The following PDE7B variants were observed in gnomAD, a reference collection of about 807,000 sequenced individuals.
PDE7B encodes the protein phosphodiesterase 7B, also known as 3',5'-cyclic-AMP phosphodiesterase 7B.
PDE7B carries 29 observed loss-of-function variants against 56.2 expected under a neutral mutation model. The observed-to-expected ratio is 0.52, with a 90% CI of 0.38 to 0.70. The LOEUF is 0.70. Ranked by LOEUF, PDE7B falls within the 30% of genes least tolerant of loss-of-function variation. The probability of loss-of-function intolerance (pLI) is 0.00; values close to 1 mark genes in which losing one functional copy is unlikely to be tolerated. For missense variants in PDE7B, 490 were observed against 565.0 expected (o/e 0.87, Z 1.35); for synonymous variants, 197 against 196.9 (o/e 1.00, Z 0.00).
At chr6:135,869,369 C>G (rs1775328537) in intron 1 of PDE7B, among the ~76,000 whole-genome samples, 1 of 152,018 alleles carries the variant, frequency 6.6e-6, no homozygotes, top group South Asian at 2.1e-4. Context: ...CTCAAATAAT[C>G]TCAGAAAATC....
At chr6:135,863,692 A>ATTTTTTTTTTTTT (rs200974005) in intron 1 of PDE7B, among the ~76,000 whole-genome samples, 1 of 138,624 alleles carries the variant, frequency 7.2e-6, no homozygotes. Flanking sequence ...ATCCCTTCCA[A>ATTTTTTTTTTTTT]TTTTTTTTTT....
rs1325253271 is a variant in PDE7B at position 135,987,518 on chromosome 6, A to T, written c.82+39994A>T. Among the ~76,000 whole-genome samples the T allele has an allele frequency of 2.0e-5, 3 of 152,130 alleles. No homozygotes were observed. The East Asian group carries it at 5.8e-4, about 29-fold the overall frequency. On this transcript the variant is annotated intron_variant, in intron 2 of 12. Transcript: ENST00000308191. ...TGGTATCTCAAATGGAGGCCACCAG[A>T]ACTGAGCCTTCTTCCCTTCAGAATA...
intron 2 of PDE7B, among the ~76,000 whole-genome samples, chr6:135,952,935 A>G (rs1774726224): frequency 6.6e-6 from 1 of 152,168 alleles, no homozygotes; most frequent in Admixed American, 6.6e-5. Context: ...AGAATACTCT[A>G]TAAGCTCCTA....
chr6:136,129,904 A>G (rs1405738748), intron 3 of PDE7B, among the ~76,000 whole-genome samples: 1 of 152,210 alleles, frequency 6.6e-6, no homozygotes, highest in African/African-American at 2.4e-5. Flanking sequence ...CCAACAGTGC[A>G]CATCCTTTTT....
At chr6:136,133,432 G>T (rs1165642914) in intron 3 of PDE7B, among the ~76,000 whole-genome samples, 1 of 152,128 alleles carries the variant, frequency 6.6e-6, no homozygotes, top group African/African-American at 2.4e-5. Flanking sequence ...AAAAGAAATA[G>T]AGGTTCAAGT....
intron 8 of PDE7B, among the ~76,000 whole-genome samples, chr6:136,173,442 C>T (rs1583924294): frequency 6.6e-6 from 1 of 152,186 alleles, no homozygotes; most frequent in Non-Finnish European, 1.5e-5. Context: ...GGAAAACTGG[C>T]TAGCCGTATG....
At position 135,935,218 on chromosome 6, in the gene PDE7B, T is replaced by TATATATATATATATA. The variant is rs1457746105; in HGVS notation, c.22-12246_22-12245insATATATATATATATA. ...TATATATATATATATATATATATAT[T>TATATATATATATATA]TTCATGATTCTTGCTCTCCAGGAAA... On this transcript the variant is annotated intron_variant, in intron 1 of 12. Coordinates refer to ENST00000308191, the MANE Select transcript of PDE7B (RefSeq NM_018945.4). 5.1e-3 allele frequency among the ~76,000 whole-genome samples: 176 copies of TATATATATATATATA among 34,648 alleles called. 18 individuals are homozygous for TATATATATATATATA. Among genetic ancestry groups the TATATATATATATATA allele is most frequent in the Middle Eastern group, 0.026 (1 of 38 alleles). 22.7% of individuals were successfully genotyped at this position (34,648 alleles called of 152,430 possible).
intron 2 of PDE7B, among the ~76,000 whole-genome samples, chr6:136,098,566 G>T (rs192750026): frequency 6.6e-6 from 1 of 152,182 alleles, no homozygotes; most frequent in East Asian, 1.9e-4. Context: ...ATATTTCCAA[G>T]TTACTTATCC....
chr6:135,987,315 A>G (rs1418331299), intron 2 of PDE7B, among the ~76,000 whole-genome samples: 1 of 152,186 alleles, frequency 6.6e-6, no homozygotes, highest in Non-Finnish European at 1.5e-5. Context: ...ATGCCAGTTC[A>G]TAGGAGTTGA....
At chr6:135,986,365 A>G (rs1464017081) in intron 2 of PDE7B, among the ~76,000 whole-genome samples, 1 of 152,258 alleles carries the variant, frequency 6.6e-6, no homozygotes, top group Non-Finnish European at 1.5e-5. Flanking sequence ...CTTTAAAGCA[A>G]CTACTAATAT....
chr6:135,939,873 G>T (rs1359038594), intron 1 of PDE7B, among the ~76,000 whole-genome samples: 1 of 152,126 alleles, frequency 6.6e-6, no homozygotes, highest in Non-Finnish European at 1.5e-5. Flanking sequence ...TACCTCAAAT[G>T]GGCAAAATGA....
intron 2 of PDE7B, among the ~76,000 whole-genome samples, chr6:136,039,632 G>T (rs960889172): frequency 2.6e-5 from 4 of 152,050 alleles, no homozygotes; most frequent in Non-Finnish European, 5.9e-5. Flanking sequence ...GAAAAGAAAA[G>T]ATTTAAAAGG....
intron 2 of PDE7B, among the ~76,000 whole-genome samples, chr6:135,966,497 G>A (rs1774999866): frequency 6.6e-6 from 1 of 152,170 alleles, no homozygotes; most frequent in South Asian, 2.1e-4. Flanking sequence ...CAGGGACTCT[G>A]CATTCTCAGA....
At chr6:135,871,566 G>A (rs1356596217) in intron 1 of PDE7B, among the ~76,000 whole-genome samples, 1 of 152,148 alleles carries the variant, frequency 6.6e-6, no homozygotes, top group African/African-American at 2.4e-5. Context: ...TACTCACATG[G>A]GTAGTCAATG....
intron 1 of PDE7B, among the ~76,000 whole-genome samples, chr6:135,868,281 A>G (rs1405002546): frequency 6.6e-6 from 1 of 152,064 alleles, no homozygotes; most frequent in African/African-American, 2.4e-5. Context: ...GTCTTGGGCC[A>G]TTGTTCCACA....
intron 2 of PDE7B, among the ~76,000 whole-genome samples, chr6:136,004,284 A>G (rs1354933195): frequency 6.6e-6 from 1 of 152,216 alleles, no homozygotes; most frequent in Non-Finnish European, 1.5e-5. Flanking sequence ...TCCCTTTGAA[A>G]ACGGGCACAA....
chr6:135,969,188 A>C (rs1306136541), intron 2 of PDE7B, among the ~76,000 whole-genome samples: 1 of 152,156 alleles, frequency 6.6e-6, no homozygotes, highest in Non-Finnish European at 1.5e-5. Flanking sequence ...CAGGATAAAC[A>C]GCTAATGTAT....
chr6:135,856,927 A>T (rs987821595), intron 1 of PDE7B, among the ~76,000 whole-genome samples: 1 of 152,054 alleles, frequency 6.6e-6, no homozygotes, highest in African/African-American at 2.4e-5. Flanking sequence ...AAACTTTGTC[A>T]TGCATTTGAA....
rs371370843 is a variant in PDE7B at position 135,992,291 on chromosome 6, T to C, written c.82+44767T>C. On this transcript the variant is annotated intron_variant, in intron 2 of 12. Coordinates refer to ENST00000308191, the MANE Select transcript of PDE7B (RefSeq NM_018945.4). ...AAGTATTGGGCCACATTCAAAGCTG[T>C]CCTGGGCTGCATGCAGCCCTTGGGC... 1.1e-4 allele frequency among the ~76,000 whole-genome samples: 17 copies of C among 152,268 alleles called. No homozygotes were observed. The East Asian group carries it at 2.5e-3, about 22-fold the overall frequency.
Sources: allele counts gnomAD v4.1 joint callset (sites outside exome capture counted in the v4.1 genomes callset), GRCh38; gene constraint gnomAD v4.1.1; transcripts MANE v1.5; gene names NCBI Gene and HGNC (gene_info 2026-07-23, HGNC 2026-07-21).